The following CCAR1 variants were observed in gnomAD, a reference collection of about 807,000 sequenced individuals.
CCAR1 encodes cell division cycle and apoptosis regulator 1.
In CCAR1, 78 loss-of-function variants were observed where a neutral mutation model predicts 163.8. The observed-to-expected ratio is 0.48, with a 90% CI of 0.40 to 0.57. The LOEUF is 0.57. Ranked by LOEUF, CCAR1 falls within the 20% of genes least tolerant of loss-of-function variation. CCAR1 has a pLI of 0.00. For synonymous variants in CCAR1, 443 were observed against 460.7 expected (o/e 0.96, Z 0.49); for missense variants, 1,019 against 1,365.2 (o/e 0.75, Z 4.00).
intron 1 of CCAR1, 163 bp downstream of exon 1, chr10:68,721,445 C>T (rs950144975): frequency 9.6e-6 from 3 of 311,838 alleles, no homozygotes; most frequent in East Asian, 2.9e-4. Flanking sequence ...GGGACGCGGT[C>T]CCTTTTGTGC....
chr10:68,724,207 A>G (rs937371330), intron 2 of CCAR1, among the ~76,000 whole-genome samples: 2 of 152,098 alleles, frequency 1.3e-5, no homozygotes, highest in Non-Finnish European at 2.9e-5. Flanking sequence ...TCATGCCTGT[A>G]ATCCCAGCAT....
chr10:68,775,471 A>C (rs889934243), intron 19 of CCAR1, among the ~76,000 whole-genome samples: 5 of 144,922 alleles, frequency 3.5e-5, no homozygotes, highest in Middle Eastern at 3.3e-3. Flanking sequence ...TTATTTTGTT[A>C]GTGTTCCAGC....
At chr10:68,763,955 T>G (rs946039895) in intron 16 of CCAR1, among the ~76,000 whole-genome samples, 9 of 152,172 alleles carry the variant, frequency 5.9e-5, no homozygotes, top group Non-Finnish European at 1.0e-4. Context: ...TCCTTTTTAG[T>G]GAAGAATGGT....
Position 68,747,470 on chromosome 10 carries a change from C to T in CCAR1, c.730C>T (p.Pro244Ser), listed in dbSNP as rs2056271645. The T allele has an allele frequency of 6.2e-7, 1 of 1,613,858 alleles. No homozygotes were observed. The highest frequency in any genetic ancestry group is 8.5e-7 in the Non-Finnish European group (1 of 1,179,880). The change falls in exon 8 of 25, where the codon CCC becomes TCC. Residue 244 changes from proline to serine, a missense_variant. Pro to Ser is a moderately conservative substitution (Grantham distance 74). Around this residue, in one of 4 missense-constraint regions of CCAR1, gnomAD observed 644 missense variants for 904.4 expected, o/e 0.71. Transcript: ENST00000265872. The stretch of plus-strand genomic sequence containing the variant: ...ATTTGGTGTTCAGACTCAGCCCCAG[C>T]CCCAGTCACTGCTGCAGGCACAGAT... Reference protein sequence around the residue: ...TTFGVQTQPQPQSLLQAQISA... With the variant: ...TTFGVQTQPQSQSLLQAQISA...
chr10:68,733,175 C>T (rs908181310), intron 2 of CCAR1, among the ~76,000 whole-genome samples: 2 of 150,646 alleles, frequency 1.3e-5, no homozygotes, highest in African/African-American at 4.9e-5. Context: ...TTTGGGAGGC[C>T]GAGGTGGATG....
Position 68,761,053 on chromosome 10 carries a change from A to G in CCAR1, c.1967A>G (p.Lys656Arg). Residue 656 changes from lysine to arginine, a missense_variant, in exon 16 of 25, where the codon AAA (lysine) becomes AGA (arginine). By Grantham distance (26) the Lys-to-Arg change is conservative (BLOSUM62 2). This residue lies in a region of CCAR1 where 644 missense variants were observed against 904.4 expected (regional missense o/e 0.71). Transcript: ENST00000265872. ...KELESRALSS[K>R]GLKSQLIARL... is the part of the protein sequence containing the mutation. Reference sequence around the variant, plus strand: ...TTAGAAAGTCGAGCTCTTAGTTCCAAAGGATTAAAATCCCAGTTAATAGCC... The same window carrying G: ...TTAGAAAGTCGAGCTCTTAGTTCCAGAGGATTAAAATCCCAGTTAATAGCC... The G allele has an allele frequency of 6.2e-7, 1 of 1,601,828 alleles. No homozygotes were observed. Among genetic ancestry groups the G allele is most frequent in the Non-Finnish European group, 8.5e-7 (1 of 1,174,158 alleles).
At chr10:68,742,219 T>A (rs1287683738) in intron 5 of CCAR1, among the ~76,000 whole-genome samples, 157 bp from the exon 6 acceptor site, 1 of 152,204 alleles carries the variant, frequency 6.6e-6, no homozygotes, top group Non-Finnish European at 1.5e-5. Context: ...AAAAATAATT[T>A]ATAGTTTAAT....
chr10:68,722,633 C>CGTGAATTAGGGCCGGGGGTGGTG lies in CCAR1; in HGVS notation c.73+58_73+80dup, dbSNP rs2055875776. On this transcript the variant is annotated intron_variant, in intron 2 of 24. Transcript: ENST00000265872. The stretch of plus-strand genomic sequence containing the variant: ...GTTTGTGGGGGACTTGTTAAAACTA[C>CGTGAATTAGGGCCGGGGGTGGTG]GTGAATTAGGGCCGGGGGTGGTGGC... 3.5e-5 allele frequency: 48 copies of CGTGAATTAGGGCCGGGGGTGGTG among 1,360,252 alleles called. 1 individual carries two copies. In the South Asian group the frequency reaches 5.5e-4, roughly 16 times the overall value. The allele number at this position is 1,360,252 out of a possible 1,614,324, so 84.3% of individuals were successfully genotyped here. A position where few individuals can be genotyped will look rare whatever the true frequency, so the allele number is the denominator to read the frequency against.
intron 19 of CCAR1, among the ~76,000 whole-genome samples, chr10:68,776,196 G>T (rs2056665175): frequency 6.6e-6 from 1 of 151,290 alleles, no homozygotes; most frequent in Non-Finnish European, 1.5e-5. Flanking sequence ...AGCTTTAAAT[G>T]CTGTCTATAT....
chr10:68,737,749 G>C (rs2056130719), intron 3 of CCAR1, 96 bp from the exon 4 acceptor site: 1 of 640,924 alleles, frequency 1.6e-6, no homozygotes, highest in East Asian at 3.1e-5. Context: ...TTTATGTTTA[G>C]TGTAATTGTA....
chr10:68,787,885 G>A, intron 21 of CCAR1, 42 bp from the exon 22 acceptor site: 3 of 1,537,398 alleles, frequency 2.0e-6, no homozygotes, highest in South Asian at 2.4e-5. Flanking sequence ...ATCAAGAAAT[G>A]TATTTTCATC....
chr10:68,731,646 A>G (rs1371292778), intron 2 of CCAR1, among the ~76,000 whole-genome samples: 1 of 119,738 alleles, frequency 8.4e-6, no homozygotes, highest in Admixed American at 1.2e-4. Flanking sequence ...CCCAGGCTGG[A>G]GTGCAGTGAC....
At chr10:68,767,762 A>G (rs767046892) in intron 17 of CCAR1, among the ~76,000 whole-genome samples, 2 of 151,480 alleles carry the variant, frequency 1.3e-5, no homozygotes, top group Non-Finnish European at 2.9e-5. Flanking sequence ...CAGGTGATCC[A>G]CTCTCCTTGG....
At chr10:68,751,038 T>TG (rs1308874757) in intron 10 of CCAR1, among the ~76,000 whole-genome samples, 13 of 152,078 alleles carry the variant, frequency 8.5e-5, no homozygotes, top group African/African-American at 3.1e-4. Context: ...TTTTTGTTTT[T>TG]TTTTTTGAGA....
At chr10:68,769,195 C>T (rs1259493773) in intron 17 of CCAR1, among the ~76,000 whole-genome samples, 6 of 152,168 alleles carry the variant, frequency 3.9e-5, no homozygotes, top group Admixed American at 1.3e-4. Context: ...AGGCTGGTCT[C>T]GAAGTCCCGA....
At chr10:68,732,334 A>G (rs1162475218) in intron 2 of CCAR1, among the ~76,000 whole-genome samples, 1 of 150,088 alleles carries the variant, frequency 6.7e-6, no homozygotes, top group Non-Finnish European at 1.5e-5. Context: ...TTACCAGAAC[A>G]GTTTTGTTTG....
intron 16 of CCAR1, among the ~76,000 whole-genome samples, 159 bp from the exon 17 acceptor site, chr10:68,765,729 T>C (rs2056527831): frequency 6.6e-6 from 1 of 152,164 alleles, no homozygotes; most frequent in Admixed American, 6.6e-5. Flanking sequence ...TGAGCTTTCC[T>C]CCCTTCTCAA....
chr10:68,721,527 C>T (rs955028219), intron 1 of CCAR1: 2 of 445,798 alleles, frequency 4.5e-6, no homozygotes, highest in Non-Finnish European at 9.0e-6. Context: ...CAGCGCCCCT[C>T]AGCCTCGGCA....
intron 2 of CCAR1, among the ~76,000 whole-genome samples, chr10:68,734,419 A>G (rs2056081104): frequency 6.6e-6 from 1 of 152,008 alleles, no homozygotes; most frequent in Non-Finnish European, 1.5e-5. Flanking sequence ...TTGGGAGCCT[A>G]AGGAAGGAGG....
Sources: gnomAD v4.1 joint callset for allele counts (sites outside exome capture counted in the v4.1 genomes callset) on GRCh38, gnomAD v4.1.1 for gene constraint, gnomAD v4.1.1 regional missense constraint, MANE v1.5 for transcripts, NCBI Gene and HGNC (gene_info 2026-07-23, HGNC 2026-07-21) for gene names.